Variants in UBASH3B observed in about 807,000 individuals in gnomAD.
The protein encoded by UBASH3B is ubiquitin-associated and SH3 domain-containing protein B.
UBASH3B carries 37 observed loss-of-function variants against 83.4 expected under a neutral mutation model. The ratio of observed to expected loss-of-function variants is 0.44; its 90% CI spans 0.34 to 0.58. The LOEUF is 0.58. Ranked by LOEUF, UBASH3B falls within the 20% of genes least tolerant of loss-of-function variation. The pLI is 0.01. For missense variants in UBASH3B, 657 were observed against 827.2 expected, an observed-to-expected ratio of 0.79 and a Z score of 2.52; for synonymous variants, 304 against 318.3, an observed-to-expected ratio of 0.96 and a Z score of 0.48.
At chr11:122,719,849 A>G (rs1364190055) in intron 1 of UBASH3B, among the ~76,000 whole-genome samples, 3 of 152,110 alleles carry the variant, frequency 2.0e-5, no homozygotes, top group Admixed American at 1.3e-4. Context: ...TCCATCCTCC[A>G]TCAGCAGCAT....
chr11:122,765,380 C>A (rs1240344488), intron 1 of UBASH3B, among the ~76,000 whole-genome samples: 1 of 152,180 alleles, frequency 6.6e-6, no homozygotes, highest in African/African-American at 2.4e-5. Context: ...GAAGGACGGG[C>A]ACTTGCGACG....
chr11:122,703,183 T>C (rs888143588), intron 1 of UBASH3B, among the ~76,000 whole-genome samples: 6 of 152,042 alleles, frequency 3.9e-5, no homozygotes, highest in Non-Finnish European at 5.9e-5. Context: ...ATCCCAGCAC[T>C]TTGGGAGGCT....
intron 1 of UBASH3B, among the ~76,000 whole-genome samples, chr11:122,657,401 A>C (rs1863379029): frequency 6.6e-6 from 1 of 151,850 alleles, no homozygotes; most frequent in Non-Finnish European, 1.5e-5. Flanking sequence ...CGATTCTCCC[A>C]CCTTAGCCTC....
At chr11:122,725,874 A>G (rs999969425) in intron 1 of UBASH3B, among the ~76,000 whole-genome samples, 3 of 151,928 alleles carry the variant, frequency 2.0e-5, no homozygotes, top group African/African-American at 7.3e-5. Context: ...TTCTATCTTT[A>G]GTAGAGACAG....
chr11:122,776,136 C>T, intron 1 of UBASH3B, 83 bp from the exon 2 acceptor site: 7 of 1,273,440 alleles, frequency 5.5e-6, no homozygotes, highest in Middle Eastern at 1.9e-4. Context: ...GCTTTGATGT[C>T]GCCTCCTTCA....
In UBASH3B at chr11:122,758,931, T is replaced by C. The variant is rs1861326153; in HGVS notation, c.162-17288T>C. Among the ~76,000 whole-genome samples, 1 of 152,210 alleles carries C rather than the reference T, an allele frequency of 6.6e-6. No homozygotes were observed. The highest frequency in any genetic ancestry group is 2.1e-4 in the South Asian group (1 of 4,836). ...TCACTCTTCCTTTCCTATTTCACTCTTCCTGAAAAGCTAGGTGTTTTCACT... is the reference window on the plus strand; with the variant it reads ...TCACTCTTCCTTTCCTATTTCACTCCTCCTGAAAAGCTAGGTGTTTTCACT... On this transcript the variant is annotated intron_variant, in intron 1 of 13. Transcript: ENST00000284273. This position sits in a 1 kb window ranked among gnomAD's most constrained non-coding sequence, Gnocchi z 4.2.
chr11:122,712,877 C>G (rs1864214235), intron 1 of UBASH3B, among the ~76,000 whole-genome samples: 1 of 127,004 alleles, frequency 7.9e-6, no homozygotes, highest in Non-Finnish European at 1.6e-5. Flanking sequence ...ACTGGACATT[C>G]ATCTTTCTTC....
intron 1 of UBASH3B, among the ~76,000 whole-genome samples, chr11:122,699,409 CTCT>C (rs1423393950): frequency 2.6e-5 from 4 of 152,310 alleles, no homozygotes; most frequent in South Asian, 2.1e-4. Flanking sequence ...TCTATGCTAT[CTCT>C]TCTTCTGTGA....
chr11:122,734,198 C>T (rs964999950), intron 1 of UBASH3B, among the ~76,000 whole-genome samples: 2 of 152,174 alleles, frequency 1.3e-5, no homozygotes, highest in Admixed American at 1.3e-4. Flanking sequence ...AATTGAATGT[C>T]TCCTCCCTTA....
At chr11:122,748,004 T>C (rs888285290) in intron 1 of UBASH3B, among the ~76,000 whole-genome samples, 4 of 152,230 alleles carry the variant, frequency 2.6e-5, no homozygotes, top group Non-Finnish European at 4.4e-5. Flanking sequence ...GATAAGCTTG[T>C]AAGTAGCAGC....
At chr11:122,796,418 A>AT (rs997872168) in intron 8 of UBASH3B, 142 bp downstream of exon 8, 21 of 1,320,008 alleles carry the variant, frequency 1.6e-5, no homozygotes, top group Non-Finnish European at 1.0e-5. Flanking sequence ...GCCCCTCCTG[A>AT]TTGTCTTGAG....
intron 1 of UBASH3B, among the ~76,000 whole-genome samples, chr11:122,706,279 A>C (rs1299863365): frequency 6.6e-6 from 1 of 151,792 alleles, no homozygotes; most frequent in Admixed American, 6.6e-5. Context: ...CAGAGCTCTA[A>C]TTCTTAATGC....
At chr11:122,734,470 G>C (rs1408148352) in intron 1 of UBASH3B, among the ~76,000 whole-genome samples, 1 of 152,084 alleles carries the variant, frequency 6.6e-6, no homozygotes, top group Non-Finnish European at 1.5e-5. Flanking sequence ...CTAGTTGTTG[G>C]TGGCTTCCAG....
intron 1 of UBASH3B, among the ~76,000 whole-genome samples, chr11:122,729,790 C>G (rs1379337263): frequency 2.6e-5 from 2 of 78,094 alleles, no homozygotes; most frequent in Non-Finnish European, 4.4e-5. Context: ...AAGACCCTAT[C>G]TCTACAAAAA....
chr11:122,785,381 A>G lies in UBASH3B; in HGVS notation c.771+2159A>G, dbSNP rs185018009. On this transcript the variant is annotated intron_variant, in intron 5 of 13. Coordinates refer to ENST00000284273, the MANE Select transcript of UBASH3B (RefSeq NM_032873.5). ...CTTCTTCAACATGCCCCCAGGAGGCAGTTTTGATTGATTGTTCCAGTGAGG... is the reference window on the plus strand; with the variant it reads ...CTTCTTCAACATGCCCCCAGGAGGCGGTTTTGATTGATTGTTCCAGTGAGG... Among the ~76,000 whole-genome samples the G allele has an allele frequency of 3.0e-3, 453 of 152,254 alleles. 2 individuals carry two copies. Among genetic ancestry groups the G allele is most frequent in the Non-Finnish European group, 5.3e-3 (363 of 68,032 alleles).
chr11:122,761,977 A>C (rs1017771147), intron 1 of UBASH3B, among the ~76,000 whole-genome samples: 2 of 151,662 alleles, frequency 1.3e-5, no homozygotes, highest in African/African-American at 4.8e-5. Flanking sequence ...TTTTTATTAG[A>C]GATGGAGTTT....
At chr11:122,666,976 C>T (rs1332726239) in intron 1 of UBASH3B, among the ~76,000 whole-genome samples, 1 of 151,406 alleles carries the variant, frequency 6.6e-6, no homozygotes, top group African/African-American at 2.4e-5. Context: ...TGAAGATGCA[C>T]AGTGATCTGC....
At chr11:122,746,190 C>T (rs1346334013) in intron 1 of UBASH3B, among the ~76,000 whole-genome samples, 1 of 152,156 alleles carries the variant, frequency 6.6e-6, no homozygotes, top group Non-Finnish European at 1.5e-5. Flanking sequence ...GATAGTGTTT[C>T]AACAGTGGCT....
At chr11:122,700,470 TACTC>T (rs140264859) in intron 1 of UBASH3B, among the ~76,000 whole-genome samples, 5,597 of 151,302 alleles carry the variant, frequency 0.037, 371 homozygotes, top group African/African-American at 0.13. Flanking sequence ...ATGTTCATCT[TACTC>T]ACTCTCATAG....
Sources: gnomAD v4.1 joint callset for allele counts (sites outside exome capture counted in the v4.1 genomes callset) on GRCh38, gnomAD v4.1.1 for gene constraint, Gnocchi (gnomAD v3.1) non-coding constraint, MANE v1.5 for transcripts, NCBI Gene and HGNC (gene_info 2026-07-23, HGNC 2026-07-21) for gene names.